The following AATF variants were observed in gnomAD, a reference collection of about 807,000 sequenced individuals.
AATF encodes apoptosis antagonizing transcription factor, also known as protein AATF.
AATF carries 48 observed loss-of-function variants against 63.7 expected under a neutral mutation model. The ratio of observed to expected loss-of-function variants is 0.75; its 90% confidence interval spans 0.60 to 0.96. The LOEUF (loss-of-function observed/expected upper bound fraction) is 0.96, where lower values mean the gene tolerates loss of function less well. Ranked by LOEUF, AATF falls within the 40% of genes least tolerant of loss-of-function variation. The pLI is 0.00. For synonymous variants in AATF, 258 were observed against 247.7 expected (o/e 1.04, Z -0.39); for missense variants, 639 against 685.7 (o/e 0.93, Z 0.76).
chr17:37,038,014 C>T (rs2071606963), intron 11 of AATF, among the ~76,000 whole-genome samples: 1 of 152,184 alleles, frequency 6.6e-6, no homozygotes, highest in African/African-American at 2.4e-5. Flanking sequence ...AGAAGCTGGA[C>T]AGATGCCTGG....
rs1198741449 is a variant in AATF at position 36,952,969 on chromosome 17, G to C, written c.367G>C (p.Gly123Arg). 7 of 1,614,158 alleles carry C rather than the reference G, an allele frequency of 4.3e-6. No homozygotes were observed. The highest frequency in any genetic ancestry group is 3.3e-5 in the Admixed American group (2 of 60,016). Residue 123 changes from glycine to arginine, a missense_variant, in exon 3 of 12, where the codon GGT (glycine) becomes CGT (arginine). Physicochemically the swap from Gly to Arg is moderately radical, Grantham distance 125 (BLOSUM62 -2). Coordinates refer to ENST00000619387, the MANE Select transcript of AATF (RefSeq NM_012138.4). Reference protein sequence around the residue: ...GLEEYDEDDLGAAEEQECGDH... With the variant: ...GLEEYDEDDLRAAEEQECGDH... ...GGAGGAATATGATGAGGACGACCTGGGTGCTGCTGAGGAACAGGAGTGTGG... is the reference window on the plus strand; with the variant it reads ...GGAGGAATATGATGAGGACGACCTGCGTGCTGCTGAGGAACAGGAGTGTGG...
chr17:37,042,701 A>G (rs1317698321), intron 11 of AATF, among the ~76,000 whole-genome samples: 1 of 147,382 alleles, frequency 6.8e-6, no homozygotes, highest in African/African-American at 2.5e-5. Context: ...TACAGACATG[A>G]GCCACCACTG....
intron 4 of AATF, among the ~76,000 whole-genome samples, chr17:36,983,156 C>T (rs959888873): frequency 6.6e-6 from 1 of 152,128 alleles, no homozygotes; most frequent in African/African-American, 2.4e-5. Flanking sequence ...ATCCTCCCAC[C>T]TCAGCCTCCC....
At chr17:36,999,372 C>T (rs2071277519) in intron 8 of AATF, among the ~76,000 whole-genome samples, 2 of 152,158 alleles carry the variant, frequency 1.3e-5, no homozygotes, top group African/African-American at 4.8e-5. Flanking sequence ...AATGTAGTAA[C>T]TGCATGTGGC....
At chr17:36,996,979 T>G (rs574058105) in intron 8 of AATF, among the ~76,000 whole-genome samples, 1 of 152,302 alleles carries the variant, frequency 6.6e-6, no homozygotes, top group Non-Finnish European at 1.5e-5. Context: ...AGATAAGAAT[T>G]GGCTTAGAAG....
intron 4 of AATF, among the ~76,000 whole-genome samples, chr17:36,966,404 A>G (rs1373749472): frequency 6.6e-6 from 1 of 151,926 alleles, no homozygotes; most frequent in Non-Finnish European, 1.5e-5. Context: ...AGCTGGGACT[A>G]CATGTGTGTG....
At chr17:37,001,329 AGAGAAAGGAGAGAGGGAGG>A (rs2071292663) in intron 8 of AATF, among the ~76,000 whole-genome samples, 1 of 147,462 alleles carries the variant, frequency 6.8e-6, no homozygotes, top group Admixed American at 6.8e-5. Context: ...AGAGAGAGAG[AGAGAAAGGAGAGAGGGAGG>A]GAGGAAGGAG....
chr17:37,051,821 A>G (rs1276453304), intron 11 of AATF, among the ~76,000 whole-genome samples: 1 of 152,184 alleles, frequency 6.6e-6, no homozygotes, highest in Non-Finnish European at 1.5e-5. Flanking sequence ...AAAATATTAA[A>G]TTAGAAAATG....
At chr17:37,043,969 T>A (rs553168635) in intron 11 of AATF, among the ~76,000 whole-genome samples, 1 of 152,358 alleles carries the variant, frequency 6.6e-6, no homozygotes, top group South Asian at 2.1e-4. Flanking sequence ...CACATCTGTG[T>A]ATTACGCCAC....
chr17:37,037,956 C>T (rs1347922307), intron 11 of AATF, among the ~76,000 whole-genome samples: 1 of 152,184 alleles, frequency 6.6e-6, no homozygotes, highest in Non-Finnish European at 1.5e-5. Flanking sequence ...GAGGCATCTG[C>T]TCCCCCTTCG....
intron 11 of AATF, among the ~76,000 whole-genome samples, chr17:37,043,441 C>A (rs1020659815): frequency 6.6e-6 from 1 of 152,282 alleles, no homozygotes; most frequent in East Asian, 1.9e-4. Flanking sequence ...TTCTCCACCC[C>A]CACTGAGCTT....
At chr17:37,018,053 G>A (rs570143101) in intron 8 of AATF, among the ~76,000 whole-genome samples, 3 of 152,328 alleles carry the variant, frequency 2.0e-5, no homozygotes, top group Non-Finnish European at 2.9e-5. Flanking sequence ...GTTTATCTTA[G>A]CGTCTTCTCT....
intron 11 of AATF, among the ~76,000 whole-genome samples, chr17:37,036,243 C>T (rs960106239): frequency 6.6e-6 from 1 of 152,210 alleles, no homozygotes; most frequent in African/African-American, 2.4e-5. Flanking sequence ...CCAGTTTACC[C>T]TTCCACACGT....
Position 37,043,592 on chromosome 17 carries a change from T to C in AATF, c.1619+11907T>C, listed in dbSNP as rs112381406. Among the ~76,000 whole-genome samples, 15 of 152,370 alleles carry C rather than the reference T, an allele frequency of 9.8e-5. 1 individual carries two copies. Among genetic ancestry groups the C allele is most frequent in the African/African-American group, 3.6e-4 (15 of 41,584 alleles). ...GTCAAAGAAGTATGCCTGTGTGTAC[T>C]GTAATCTTGTATTTGGTATTATCGA... On this transcript the variant is annotated intron_variant, in intron 11 of 11. Coordinates refer to ENST00000619387, the MANE Select transcript of AATF (RefSeq NM_012138.4).
chr17:37,031,494 C>A, intron 10 of AATF, 120 bp from the exon 11 acceptor site: 1 of 837,066 alleles, frequency 1.2e-6, no homozygotes, highest in Non-Finnish European at 2.0e-6. Flanking sequence ...TTTCCCTATC[C>A]CACTTTGTAC....
At chr17:37,028,999 A>G (rs954397145) in intron 10 of AATF, among the ~76,000 whole-genome samples, 1 of 152,122 alleles carries the variant, frequency 6.6e-6, no homozygotes, top group Admixed American at 6.5e-5. Context: ...CGTAACAACA[A>G]TTGTCTATAG....
chr17:36,984,928 G>T (rs1211210665), intron 4 of AATF, among the ~76,000 whole-genome samples: 1 of 143,990 alleles, frequency 6.9e-6, no homozygotes, highest in Non-Finnish European at 1.5e-5. Flanking sequence ...TTGAGACAGA[G>T]TCTCACTCTG....
chr17:37,056,132 T>G (rs1265863588), intron 11 of AATF: 1 of 154,300 alleles, frequency 6.5e-6, no homozygotes, highest in East Asian at 1.9e-4. Context: ...TTGGTTCTCT[T>G]CCTGAACAAC....
intron 4 of AATF, among the ~76,000 whole-genome samples, chr17:36,973,711 A>C (rs1033877625): frequency 5.3e-5 from 8 of 152,164 alleles, no homozygotes. Flanking sequence ...TTAGGTGATA[A>C]ATAATGTTTT....
Sources: allele counts gnomAD v4.1 joint callset (sites outside exome capture counted in the v4.1 genomes callset), GRCh38; gene constraint gnomAD v4.1.1; transcripts MANE v1.5; gene names NCBI Gene and HGNC (gene_info 2026-07-23, HGNC 2026-07-21).